The following UNC79 variants were observed in gnomAD, a reference collection of about 807,000 sequenced individuals.
UNC79 encodes the protein unc-79 subunit of NALCN channel complex.
Under a neutral mutation model 283.1 loss-of-function variants are expected in UNC79, and 37 were observed. The observed-to-expected ratio is 0.13, with a 90% confidence interval of 0.10 to 0.17. The LOEUF is 0.17. Ranked by LOEUF, UNC79 falls within the 10% of genes least tolerant of loss-of-function variation. The pLI is 1.00. For synonymous variants in UNC79, 1,107 were observed against 1,200.2 expected (o/e 0.92, Z 1.61); for missense variants, 2,272 against 3,211.1 (o/e 0.71, Z 7.07).
intron 23 of UNC79, among the ~76,000 whole-genome samples, chr14:93,594,758 C>G (rs769330822): frequency 6.6e-5 from 10 of 152,022 alleles, no homozygotes; most frequent in African/African-American, 9.7e-5. Context: ...CTGGCCCACT[C>G]TCACTCCAAT....
intron 40 of UNC79, among the ~76,000 whole-genome samples, chr14:93,671,596 A>G (rs998121642): frequency 6.6e-6 from 1 of 152,116 alleles, no homozygotes; most frequent in African/African-American, 2.4e-5. Context: ...AACATGGAGA[A>G]ACCCCATCTC....
At chr14:93,561,926 C>T (rs759803544) in intron 14 of UNC79, among the ~76,000 whole-genome samples, 18 of 152,014 alleles carry the variant, frequency 1.2e-4, no homozygotes, top group South Asian at 2.1e-4. Flanking sequence ...GTTTTTGGGG[C>T]GCAGTCCAAG....
At chr14:93,359,329 G>A (rs1281419706) in intron 1 of UNC79, among the ~76,000 whole-genome samples, 7 of 152,272 alleles carry the variant, frequency 4.6e-5, no homozygotes, top group Middle Eastern at 3.4e-3. Flanking sequence ...GGGAGGGTCC[G>A]GAAGGTATAC....
At chr14:93,339,365 T>C (rs1009717931) in intron 1 of UNC79, among the ~76,000 whole-genome samples, 7 of 152,130 alleles carry the variant, frequency 4.6e-5, no homozygotes, top group Admixed American at 2.6e-4. Context: ...AGTGGCGTGA[T>C]CTCGGCTCAC....
chr14:93,618,316 A>G, exon 29 of UNC79: 1 of 1,613,842 alleles, frequency 6.2e-7, no homozygotes, highest in Non-Finnish European at 8.5e-7. Context: ...TTGTACAGTG[A>G]CAACAGTAAC....
intron 1 of UNC79, among the ~76,000 whole-genome samples, chr14:93,410,953 T>G (rs1249011546): frequency 6.6e-6 from 1 of 151,998 alleles, no homozygotes; most frequent in African/African-American, 2.4e-5. Context: ...GACTTTGGCT[T>G]GCTCCATATG....
intron 35 of UNC79, among the ~76,000 whole-genome samples, chr14:93,648,501 T>C (rs1001769077): frequency 3.3e-5 from 5 of 152,046 alleles, no homozygotes; most frequent in African/African-American, 9.7e-5. Context: ...AATTTGCTGA[T>C]AGATTGGATG....
rs1469947735 is a variant in UNC79, at chr14:93,471,734, T to C, written c.144-2355T>C. ...TAAAACTGGTTTCATGGATGACTCA[T>C]TTTCAGCCATTTTTTTTCTCAACCT... On this transcript the variant is annotated intron_variant, in intron 2 of 48. Transcript: ENST00000555664. Among the ~76,000 whole-genome samples, 8 of 152,254 alleles carry C rather than the reference T, an allele frequency of 5.3e-5. No homozygotes were observed. In the South Asian group the frequency reaches 1.7e-3, roughly 32 times the overall value.
intron 1 of UNC79, among the ~76,000 whole-genome samples, chr14:93,417,080 A>G (rs1308444093): frequency 1.3e-5 from 2 of 152,018 alleles, no homozygotes; most frequent in Non-Finnish European, 2.9e-5. Flanking sequence ...TTAGCTGGTT[A>G]TTTTGCTCGT....
chr14:93,632,472 G>A (rs1359158404), intron 31 of UNC79, among the ~76,000 whole-genome samples: 1 of 152,212 alleles, frequency 6.6e-6, no homozygotes, highest in Non-Finnish European at 1.5e-5. Context: ...GCTGAGGCAG[G>A]AGGATCACTT....
chr14:93,466,973 A>C (rs2140256665), intron 1 of UNC79: 1 of 945,090 alleles, frequency 1.1e-6, no homozygotes. Flanking sequence ...CCAAGCTCAG[A>C]AAGCTATTAG....
chr14:93,542,956 A>ATT (rs34093801), intron 14 of UNC79, among the ~76,000 whole-genome samples: 3,545 of 145,294 alleles, frequency 0.024, 103 homozygotes, highest in African/African-American at 0.063. Flanking sequence ...GACATTGCTG[A>ATT]TTTTTTTTTT....
At chr14:93,633,028 A>T (rs1387409348) in intron 31 of UNC79, among the ~76,000 whole-genome samples, 1 of 152,144 alleles carries the variant, frequency 6.6e-6, no homozygotes, top group Non-Finnish European at 1.5e-5. Flanking sequence ...AACACCTGAG[A>T]ATTGAAGAAA....
At chr14:93,402,435 A>T (rs2055129999) in intron 1 of UNC79, among the ~76,000 whole-genome samples, 1 of 151,990 alleles carries the variant, frequency 6.6e-6, no homozygotes, top group Non-Finnish European at 1.5e-5. Flanking sequence ...AATAAAATGC[A>T]TAAGGAGGAA....
chr14:93,604,226 G>A (rs2065722995), intron 26 of UNC79, among the ~76,000 whole-genome samples: 1 of 152,116 alleles, frequency 6.6e-6, no homozygotes, highest in Non-Finnish European at 1.5e-5. Flanking sequence ...TAATCACTGT[G>A]AAGTAAATAA....
intron 45 of UNC79, 26 bp from the exon 49 acceptor site, chr14:93,691,723 A>C (rs1272632333): frequency 6.2e-7 from 1 of 1,612,452 alleles, no homozygotes; most frequent in Non-Finnish European, 8.5e-7. Flanking sequence ...GATGCAATGC[A>C]CTGATGCCGT....
At chr14:93,653,714 G>T (rs372686795) in intron 35 of UNC79, 28 bp from the exon 39 acceptor site, 6 of 1,595,388 alleles carry the variant, frequency 3.8e-6, no homozygotes, top group Non-Finnish European at 5.1e-6. Context: ...CCATGACTTC[G>T]TGTCTTTTCT....
chr14:93,470,841 G>A (rs1487565255), intron 2 of UNC79, among the ~76,000 whole-genome samples: 4 of 152,144 alleles, frequency 2.6e-5, no homozygotes, highest in Non-Finnish European at 5.9e-5. Context: ...ACATGGGAGG[G>A]AGTCTGTTCT....
intron 39 of UNC79, among the ~76,000 whole-genome samples, chr14:93,661,295 C>A (rs1182492283): frequency 1.3e-5 from 2 of 152,126 alleles, no homozygotes; most frequent in African/African-American, 2.4e-5. Flanking sequence ...TAATATAAAA[C>A]AAAATATAGG....
Sources: allele counts gnomAD v4.1 joint callset (sites outside exome capture counted in the v4.1 genomes callset), GRCh38; gene constraint gnomAD v4.1.1; transcripts MANE v1.5; gene names NCBI Gene and HGNC (gene_info 2026-07-23, HGNC 2026-07-21).